Variants in NRCAM observed in about 807,000 individuals in gnomAD.
NRCAM encodes the protein neuronal cell adhesion molecule.
In NRCAM, 83 loss-of-function variants were observed where a neutral mutation model predicts 156.5. The ratio of observed to expected loss-of-function variants is 0.53; its 90% confidence interval spans 0.44 to 0.64. NRCAM has a LOEUF of 0.64. Ranked by LOEUF, NRCAM falls within the 30% of genes least tolerant of loss-of-function variation. The pLI, the probability that NRCAM is intolerant of heterozygous loss-of-function variation, is 0.00. For synonymous variants in NRCAM, 538 were observed against 563.9 expected (o/e 0.95, Z 0.65); for missense variants, 1,417 against 1,597.3 (o/e 0.89, Z 1.92).
At chr7:108,206,423 T>C (rs1218835613) in intron 13 of NRCAM, among the ~76,000 whole-genome samples, 5 of 152,206 alleles carry the variant, frequency 3.3e-5, no homozygotes, top group African/African-American at 1.2e-4. Context: ...CTGAGGGCTA[T>C]CTTTATTGTG....
intron 2 of NRCAM, among the ~76,000 whole-genome samples, chr7:108,335,483 G>A (rs542398475): frequency 6.2e-5 from 7 of 113,434 alleles, no homozygotes; most frequent in Non-Finnish European, 1.0e-4. Context: ...AAAGACAAGT[G>A]GCTGGCTGGC....
At chr7:108,347,444 G>A (rs1406282969) in intron 2 of NRCAM, among the ~76,000 whole-genome samples, 1 of 152,094 alleles carries the variant, frequency 6.6e-6, no homozygotes, top group African/African-American at 2.4e-5. Context: ...AAGAAGCTAT[G>A]GAGATAAACT....
At chr7:108,158,189 A>C (rs2046691577) in intron 32 of NRCAM, among the ~76,000 whole-genome samples, 1 of 152,072 alleles carries the variant, frequency 6.6e-6, no homozygotes, top group African/African-American at 2.4e-5. Context: ...ATACACCTTC[A>C]GCTCCAGAAC....
At chr7:108,179,855 T>C (rs1001707183) in intron 25 of NRCAM, among the ~76,000 whole-genome samples, 8 of 152,340 alleles carry the variant, frequency 5.3e-5, no homozygotes, top group African/African-American at 7.2e-5. Context: ...TCTAATTTGG[T>C]TCTCATGCTT....
At position 108,181,941 on chromosome 7, in the gene NRCAM, G is replaced by C; in HGVS notation, c.2531-4C>G. 6.3e-7 allele frequency: 1 copy of C among 1,589,682 alleles called. No individual in the cohort carries two copies. ...TTCCCAGGAGCCACCATTGGGACTA[G>C]GAAAAGGACAGGGAAGTGGTAGAAG... On this transcript the variant is annotated splice_polypyrimidine_tract_variant and splice_region_variant and intron_variant, in intron 23 of 32. Coordinates refer to ENST00000379028, the MANE Select transcript of NRCAM (RefSeq NM_001037132.4).
At position 108,187,728 on chromosome 7, in the gene NRCAM, G is replaced by C. The variant is rs375472952; in HGVS notation, c.2035+1917C>G. Among the ~76,000 whole-genome samples, 39 of 152,196 alleles carry C rather than the reference G, an allele frequency of 2.6e-4. 1 individual carries two copies. In the South Asian group the frequency reaches 7.9e-3, roughly 31 times the overall value. ...GCACTTTGGGAGGCCGAGGCGGGTGGATCACGAGGTCGGGAGATTGAGACC... is the reference window on the plus strand; with the variant it reads ...GCACTTTGGGAGGCCGAGGCGGGTGCATCACGAGGTCGGGAGATTGAGACC... On this transcript the variant is annotated intron_variant, in intron 20 of 32. Transcript: ENST00000379028.
At chr7:108,319,281 C>G (rs1217020403) in intron 2 of NRCAM, among the ~76,000 whole-genome samples, 1 of 152,114 alleles carries the variant, frequency 6.6e-6, no homozygotes, top group Non-Finnish European at 1.5e-5. Flanking sequence ...TTTCTGTGTC[C>G]TTGAAAAGTT....
At chr7:108,293,394 C>T (rs2098369338) in intron 3 of NRCAM, among the ~76,000 whole-genome samples, 1 of 152,194 alleles carries the variant, frequency 6.6e-6, no homozygotes, top group African/African-American at 2.4e-5. Context: ...GCCCTTCCTT[C>T]CTGCTGCTAA....
chr7:108,203,767 T>C (rs1167838005), intron 13 of NRCAM, among the ~76,000 whole-genome samples: 1 of 152,138 alleles, frequency 6.6e-6, no homozygotes, highest in African/African-American at 2.4e-5. Context: ...CTGACAACAG[T>C]AGTTCAGAAG....
At chr7:108,353,890 GGAACATT>G (rs2099453806) in intron 2 of NRCAM, among the ~76,000 whole-genome samples, 1 of 152,210 alleles carries the variant, frequency 6.6e-6, no homozygotes, top group African/African-American at 2.4e-5. Context: ...ATTGCACAGA[GGAACATT>G]GGGTTCATAC....
intron 3 of NRCAM, among the ~76,000 whole-genome samples, chr7:108,265,741 A>C (rs765644817): frequency 6.6e-6 from 1 of 152,244 alleles, no homozygotes; most frequent in Non-Finnish European, 1.5e-5. Flanking sequence ...TGTTAATACA[A>C]AGTTTCACAG....
At chr7:108,170,145 T>C (rs892847973) in intron 28 of NRCAM, among the ~76,000 whole-genome samples, 7 of 151,942 alleles carry the variant, frequency 4.6e-5, no homozygotes, top group African/African-American at 9.7e-5. Flanking sequence ...TAAATATCCA[T>C]TGACAGATGA....
At chr7:108,156,929 T>C (rs945741400) in intron 32 of NRCAM, among the ~76,000 whole-genome samples, 1 of 152,130 alleles carries the variant, frequency 6.6e-6, no homozygotes, top group Non-Finnish European at 1.5e-5. Context: ...TAAACACTTT[T>C]TGGATTTCTT....
At chr7:108,196,018 A>T in intron 14 of NRCAM, 146 bp from the exon 15 acceptor site, 1 of 634,008 alleles carries the variant, frequency 1.6e-6, no homozygotes, top group Non-Finnish European at 2.8e-6. Flanking sequence ...ATCAGGCATA[A>T]TGCTGCCAGT....
intron 2 of NRCAM, among the ~76,000 whole-genome samples, chr7:108,359,298 G>A (rs1020613678): frequency 5.3e-5 from 8 of 152,286 alleles, no homozygotes; most frequent in African/African-American, 1.9e-4. Context: ...TTGGCACATT[G>A]TGAGCACTAT....
chr7:108,160,953 AGGCT>A (rs1486969414), intron 30 of NRCAM, among the ~76,000 whole-genome samples: 2 of 152,198 alleles, frequency 1.3e-5, no homozygotes, highest in East Asian at 3.8e-4. Context: ...TGTCCTTGCA[AGGCT>A]GTTGCCATTT....
chr7:108,374,977 G>A (rs893758958), intron 2 of NRCAM, among the ~76,000 whole-genome samples: 4 of 152,068 alleles, frequency 2.6e-5, no homozygotes, highest in African/African-American at 9.7e-5. Context: ...TTTATTGAGA[G>A]TCAGTACATG....
chr7:108,375,062 C>T (rs1438059679), intron 2 of NRCAM, among the ~76,000 whole-genome samples: 6 of 152,058 alleles, frequency 3.9e-5, no homozygotes, highest in Admixed American at 1.3e-4. Context: ...GCTAGCCACC[C>T]AGCCCAGACT....
At chr7:108,196,445 GT>G (rs1182809405) in intron 14 of NRCAM, among the ~76,000 whole-genome samples, 10 of 152,148 alleles carry the variant, frequency 6.6e-5, no homozygotes, top group Non-Finnish European at 2.9e-5. Flanking sequence ...CTGGTAAGGG[GT>G]TAATACCAAA....
Sources: gnomAD v4.1 joint callset for allele counts (sites outside exome capture counted in the v4.1 genomes callset) on GRCh38, gnomAD v4.1.1 for gene constraint, MANE v1.5 for transcripts, NCBI Gene and HGNC (gene_info 2026-07-23, HGNC 2026-07-21) for gene names.